PTBP1: variants seen among roughly 807,000 people sequenced by gnomAD.
PTBP1 encodes the protein polypyrimidine tract-binding protein 1.
PTBP1 carries 8 observed loss-of-function variants against 59.8 expected under a neutral mutation model. That is an observed-to-expected ratio of 0.13 (90% CI 0.08 to 0.24). The LOEUF is 0.24. Ranked by LOEUF, PTBP1 falls within the 10% of genes least tolerant of loss-of-function variation. The pLI is 1.00. For missense variants in PTBP1, 686 were observed against 767.0 expected, an observed-to-expected ratio of 0.89 and a Z score of 1.25; for synonymous variants, 490 against 320.7, an observed-to-expected ratio of 1.53 and a Z score of -5.64.
chr19:804,137 G>C lies in PTBP1; in HGVS notation c.217G>C (p.Gly73Arg). 2 of 1,613,862 alleles carry C rather than the reference G, an allele frequency of 1.2e-6. No individual in the cohort carries two copies. Among genetic ancestry groups the C allele is most frequent in the Non-Finnish European group, 1.7e-6 (2 of 1,179,836 alleles). The change falls in exon 4 of 15, where the codon GGG becomes CGG. Residue 73 changes from glycine to arginine, a missense_variant. Coordinates refer to ENST00000356948, the MANE Select transcript of PTBP1 (RefSeq NM_002819.5). ...IRKLPIDVTE[G>R]EVISLGLPFG... ...GAAGCTCCCCATCGACGTCACGGAG[G>C]GGGAAGTCATCTCCCTGGGGCTGCC...
chr19:812,308 T>C lies in PTBP1; in HGVS notation c.*1482T>C, dbSNP rs544308419. The C allele has an allele frequency of 1.6e-3, 258 of 160,446 alleles. 1 individual carries two copies. Among genetic ancestry groups the C allele is most frequent in the Middle Eastern group, 6.4e-3 (2 of 312 alleles). The allele number at this position is 160,446 out of a possible 1,614,324, so 9.9% of individuals were successfully genotyped here. On this transcript the variant is annotated 3_prime_UTR_variant, in exon 15 of 15. Coordinates refer to ENST00000356948, the MANE Select transcript of PTBP1 (RefSeq NM_002819.5). ...CTGGACTTCGAATAAATCTTCTGTATCCTCGCTCCGTTCCGCCTTCGTTGC... is the reference window on the plus strand; with the variant it reads ...CTGGACTTCGAATAAATCTTCTGTACCCTCGCTCCGTTCCGCCTTCGTTGC...
chr19:802,777 G>C (rs137920984), intron 2 of PTBP1, among the ~76,000 whole-genome samples: 1 of 152,202 alleles, frequency 6.6e-6, no homozygotes, highest in Admixed American at 6.5e-5. Flanking sequence ...CAGCGGGGGG[G>C]ATGTCTGCCG....
At chr19:805,428 C>A in intron 8 of PTBP1, 64 bp from the exon 9 acceptor site, 1 of 1,495,528 alleles carries the variant, frequency 6.7e-7, no homozygotes, top group Non-Finnish European at 9.3e-7. Flanking sequence ...GCCCATCCCG[C>A]AGCACAGCGC....
At position 808,087 on chromosome 19, in the gene PTBP1, C is replaced by G. The variant is rs2034661606; in HGVS notation, c.1153+185C>G. The G allele has an allele frequency of 3.1e-6, 2 of 654,666 alleles. No homozygotes were observed. The allele number at this position is 654,666 out of a possible 1,614,324, so 40.6% of individuals were successfully genotyped here. A position where few individuals can be genotyped will look rare whatever the true frequency, so the allele number is the denominator to read the frequency against. On this transcript the variant is annotated intron_variant, in intron 11 of 14. Coordinates refer to ENST00000356948, the MANE Select transcript of PTBP1 (RefSeq NM_002819.5). This position sits in a 1 kb window ranked among gnomAD's most constrained non-coding sequence, Gnocchi z 4.7. ...GTAGATACGTACGCATGGTTTATCG[C>G]CCTGCATGCTTTTCAGAGTTAGACC...
chr19:806,067 G>GGC (rs2034552837), intron 9 of PTBP1: 1 of 272,380 alleles, frequency 3.7e-6, no homozygotes, highest in African/African-American at 2.3e-5. Flanking sequence ...TGGAGGCATG[G>GGC]GCGCGCATGC....
At chr19:804,498 A>T (rs758128420) in intron 5 of PTBP1, 34 bp from the exon 6 acceptor site, 3 of 1,593,338 alleles carry the variant, frequency 1.9e-6, no homozygotes, top group East Asian at 4.5e-5. Flanking sequence ...GCCCAGCCGC[A>T]GGGGCCGGGG....
At chr19:810,304 T>TA (rs1555700105) in intron 13 of PTBP1, among the ~76,000 whole-genome samples, 1 of 138,762 alleles carries the variant, frequency 7.2e-6, no homozygotes, top group African/African-American at 2.7e-5. Context: ...AGATTCCATC[T>TA]GGAAAAAAAA....
Position 804,451 on chromosome 19 carries a change from G to C in PTBP1, c.435+13G>C. The C allele has an allele frequency of 6.2e-7, 1 of 1,607,926 alleles. No individual in the cohort carries two copies. Among genetic ancestry groups the C allele is most frequent in the Non-Finnish European group, 8.5e-7 (1 of 1,179,250 alleles). ...TCCCAACCAGGCGGTGCGTGGCCCC[G>C]CGGCGGACCCCAGCAGCCCGGGGAC... is the stretch of plus-strand genomic sequence containing the variant. On this transcript the variant is annotated intron_variant, in intron 5 of 14. Transcript: ENST00000356948.
intron 1 of PTBP1, among the ~76,000 whole-genome samples, chr19:797,993 C>T (rs1182950601): frequency 6.7e-6 from 1 of 150,354 alleles, no homozygotes; most frequent in Admixed American, 6.6e-5. Context: ...GACTCTGCCC[C>T]CGGCGCAGCC....
chr19:805,544 C>G lies in PTBP1; in HGVS notation c.945C>G (p.Pro315=), dbSNP rs745744263. ...CGTATGCAGGAGCTGGTTTCCCTCC[C>G]ACCTTTGCCATTCCTCAAGCTGCAG... ...ASPYAGAGFP[P]TFAIPQAAGL... The change falls in exon 9 of 15, where the codon CCC becomes CCG. Residue 315 remains proline, a synonymous_variant. Transcript: ENST00000356948. 3 of 1,613,870 alleles carry G rather than the reference C, an allele frequency of 1.9e-6. No individual in the cohort carries two copies. In the South Asian group the frequency reaches 3.3e-5, roughly 18 times the overall value.
chr19:808,838 T>A lies in PTBP1; in HGVS notation c.1463+76T>A. 1.4e-6 allele frequency: 2 copies of A among 1,387,332 alleles called. No homozygotes were observed. Among genetic ancestry groups the A allele is most frequent in the East Asian group, 2.5e-5 (1 of 40,188 alleles). 85.9% of individuals were successfully genotyped at this position (1,387,332 alleles called of 1,614,324 possible). On this transcript the variant is annotated intron_variant, in intron 13 of 14. Transcript: ENST00000356948. The surrounding 1 kb of genome is among the most constrained non-coding windows in gnomAD (Gnocchi z 4.7). Reference sequence around the variant, plus strand: ...GCTTGGCTGTCCTACCGCGTCGGTGTGTGGACTTCTGGCGTTTCCAGAGTG... The same window carrying A: ...GCTTGGCTGTCCTACCGCGTCGGTGAGTGGACTTCTGGCGTTTCCAGAGTG...
chr19:798,130 A>G (rs2145012145), intron 1 of PTBP1, among the ~76,000 whole-genome samples: 1 of 151,496 alleles, frequency 6.6e-6, no homozygotes, highest in East Asian at 2.0e-4. Flanking sequence ...GCCGCGGCCA[A>G]GGGGTTTCGG....
At position 805,508 on chromosome 19, in the gene PTBP1, C is replaced by G; in HGVS notation, c.909C>G (p.Ile303Met). ...TATTTCTAGGTGCACCTGGTATAAT[C>G]TCAGCCTCTCCGTATGCAGGAGCTG... ...MAAAFGAPGIISASPYAGAGF... is the reference protein window; with the variant it reads ...MAAAFGAPGIMSASPYAGAGF... The change falls in exon 9 of 15, where the codon ATC becomes ATG. Residue 303 changes from isoleucine to methionine, a missense_variant. Coordinates refer to ENST00000356948, the MANE Select transcript of PTBP1 (RefSeq NM_002819.5). 6.2e-7 allele frequency: 1 copy of G among 1,613,638 alleles called. No individual in the cohort carries two copies. The highest frequency in any genetic ancestry group is 8.5e-7 in the Non-Finnish European group (1 of 1,179,530).
chr19:799,088 G>T (rs1444495819), intron 1 of PTBP1, among the ~76,000 whole-genome samples: 1 of 152,248 alleles, frequency 6.6e-6, no homozygotes, highest in Non-Finnish European at 1.5e-5. Flanking sequence ...CCTCTCAGCG[G>T]CATCTAGCAT....
At chr19:805,870 G>A (rs2034540269) in intron 9 of PTBP1, 1 of 436,768 alleles carries the variant, frequency 2.3e-6, no homozygotes, top group African/African-American at 2.0e-5. Flanking sequence ...GTGGTTGGAG[G>A]GATGTCTCTA....
rs991738860 is a variant in PTBP1, at chr19:805,307, A to G, written c.892+120A>G. ...GGGTGATGCACCTGCTGCTCTCTGC[A>G]CGGCCAGCACAGCACGGTCCAGTGT... On this transcript the variant is annotated intron_variant, in intron 8 of 14. Coordinates refer to ENST00000356948, the MANE Select transcript of PTBP1 (RefSeq NM_002819.5). The G allele has an allele frequency of 4.7e-6, 6 of 1,282,054 alleles. No individual in the cohort carries two copies. The African/African-American group carries it at 5.9e-5, about 13-fold the overall frequency. The allele number at this position is 1,282,054 out of a possible 1,614,324, so 79.4% of individuals were successfully genotyped here. A position where few individuals can be genotyped will look rare whatever the true frequency, so the allele number is the denominator to read the frequency against.
rs1426997279 is a variant in PTBP1 at position 803,919 on chromosome 19, C to A, written c.116-117C>A. Reference sequence around the variant, plus strand: ...TCTCGCGCTGCTGGTTCACATGCACCCTCCTGGGGCTCAGGGTTGGTCTCC... The same window carrying A: ...TCTCGCGCTGCTGGTTCACATGCACACTCCTGGGGCTCAGGGTTGGTCTCC... On this transcript the variant is annotated intron_variant, in intron 3 of 14. Coordinates refer to ENST00000356948, the MANE Select transcript of PTBP1 (RefSeq NM_002819.5). 3 of 1,240,594 alleles carry A rather than the reference C, an allele frequency of 2.4e-6. No homozygotes were observed. In the Admixed American group the frequency reaches 6.0e-5, roughly 25 times the overall value. 76.8% of individuals were successfully genotyped at this position (1,240,594 alleles called of 1,614,324 possible). A position where few individuals can be genotyped will look rare whatever the true frequency, so the allele number is the denominator to read the frequency against.
intron 13 of PTBP1, among the ~76,000 whole-genome samples, chr19:810,115 T>C (rs1243043785): frequency 1.3e-5 from 2 of 152,168 alleles, no homozygotes; most frequent in African/African-American, 2.4e-5. Context: ...AAGACCAACC[T>C]GGCCAACCTG....
intron 2 of PTBP1, among the ~76,000 whole-genome samples, chr19:800,739 A>G (rs1017962420): frequency 2.0e-5 from 3 of 152,186 alleles, no homozygotes; most frequent in Non-Finnish European, 4.4e-5. Flanking sequence ...CATCTGAAGC[A>G]TTTGCAACAA....
Sources: gnomAD v4.1 joint callset for allele counts (sites outside exome capture counted in the v4.1 genomes callset) on GRCh38, gnomAD v4.1.1 for gene constraint, Gnocchi (gnomAD v3.1) non-coding constraint, MANE v1.5 for transcripts, NCBI Gene and HGNC (gene_info 2026-07-23, HGNC 2026-07-21) for gene names.